E2F7: variants seen among roughly 807,000 people sequenced by gnomAD.
E2F7 encodes the protein transcription factor E2F7.
E2F7 carries 35 observed loss-of-function variants against 81.1 expected under a neutral mutation model. The observed-to-expected ratio is 0.43, with a 90% CI of 0.33 to 0.57. The LOEUF (loss-of-function observed/expected upper bound fraction) is 0.57, where lower values mean the gene tolerates loss of function less well. E2F7 is among the 20% of genes least tolerant of loss of function. E2F7 has a pLI of 0.04. For synonymous variants in E2F7, 416 were observed against 416.2 expected (o/e 1.00, Z 0.01); for missense variants, 961 against 1,093.7 (o/e 0.88, Z 1.71).
rs187144514 is a variant in E2F7, at chr12:77,056,096, G to A, written c.128C>T (p.Pro43Leu). 22 of 1,612,786 alleles carry A rather than the reference G, an allele frequency of 1.4e-5. No individual in the cohort carries two copies. In the Middle Eastern group the frequency reaches 5.0e-4, roughly 36 times the overall value. The change falls in exon 3 of 13, where the codon CCG becomes CTG. Residue 43 changes from proline to leucine, a missense_variant. Coordinates refer to ENST00000322886, the MANE Select transcript of E2F7 (RefSeq NM_203394.3). The stretch of plus-strand genomic sequence containing the variant: ...TGGTTCATTTTTTATTGGAGTCTTC[G>A]GGGCCATCCTTGATCGATCAACAAA... ...NIFVDRSRMA[P>L]KTPIKNEPID...
chr12:77,029,959 G>A lies in E2F7; in HGVS notation c.1756C>T (p.Leu586=). The part of the protein sequence containing the change: ...RSSEAPATVE[L]SSAPSAQKRL... ...TTCTGAGCTGAGGGTGCAGATGACA[G>A]CTCTACTGTGGCTGGGGCTTCTGAG... The change falls in exon 10 of 13, where the codon CTG becomes TTG. Residue 586 remains leucine (L), a synonymous_variant. Transcript: ENST00000322886. 1 of 1,614,252 alleles carries A rather than the reference G, an allele frequency of 6.2e-7. No individual in the cohort carries two copies. The highest frequency in any genetic ancestry group is 8.5e-7 in the Non-Finnish European group (1 of 1,180,056).
In E2F7 at chr12:77,043,042, C is replaced by T. The variant is rs201807722; in HGVS notation, c.1123+23G>A. 6.2e-6 allele frequency: 10 copies of T among 1,613,742 alleles called. No individual in the cohort carries two copies. The East Asian group carries it at 1.3e-4, about 22-fold the overall frequency. ...TGAGAATTCTAAATAAAACAGCCTG[C>T]TAGCAAAACCACGCCACCTTACCAC... is the stretch of plus-strand genomic sequence containing the variant. On this transcript the variant is annotated intron_variant, in intron 7 of 12. Transcript: ENST00000322886.
At chr12:77,043,266 C>T in intron 6 of E2F7, 67 bp from the exon 7 acceptor site, 2 of 1,600,334 alleles carry the variant, frequency 1.2e-6, no homozygotes, top group Admixed American at 3.4e-5. Context: ...GTTTATGTGA[C>T]AGGTAACTTT....
At chr12:77,044,151 G>T (rs1303110103) in intron 6 of E2F7, 1 of 337,674 alleles carries the variant, frequency 3.0e-6, no homozygotes, top group Non-Finnish European at 6.1e-6. Flanking sequence ...ATCCAAGATG[G>T]ACAGAAAAGG....
At chr12:77,049,131 T>C (rs1954965301) in intron 4 of E2F7, among the ~76,000 whole-genome samples, 3 of 152,304 alleles carry the variant, frequency 2.0e-5, no homozygotes, top group East Asian at 1.9e-4. Context: ...TGTTTTCATA[T>C]ATTAACACAT....
intron 4 of E2F7, 65 bp from the exon 5 acceptor site, chr12:77,046,393 A>T: frequency 6.5e-7 from 1 of 1,540,250 alleles, no homozygotes; most frequent in Non-Finnish European, 8.8e-7. Flanking sequence ...AAGTTCCTTG[A>T]GGGCCTGGAC....
chr12:77,033,181 A>G, intron 8 of E2F7, 59 bp from the exon 9 acceptor site: 2 of 1,394,880 alleles, frequency 1.4e-6, no homozygotes, highest in Admixed American at 1.8e-5. Context: ...TACCAACTAT[A>G]TACTGAGAAT....
chr12:77,034,627 C>T (rs1280897193), intron 7 of E2F7, among the ~76,000 whole-genome samples: 1 of 152,074 alleles, frequency 6.6e-6, no homozygotes, highest in African/African-American at 2.4e-5. Context: ...AAGGTTAGGC[C>T]CTGGAGACAC....
In E2F7 at chr12:77,029,930, G is replaced by A; in HGVS notation, c.1785C>T (p.Arg595=). The A allele has an allele frequency of 2.5e-6, 4 of 1,614,232 alleles. No individual in the cohort carries two copies. Among genetic ancestry groups the A allele is most frequent in the Non-Finnish European group, 3.4e-6 (4 of 1,180,044 alleles). The change falls in exon 10 of 13, where the codon CGC becomes CGT. Residue 595 remains arginine, a synonymous_variant. Coordinates refer to ENST00000322886, the MANE Select transcript of E2F7 (RefSeq NM_203394.3). ...ELSSAPSAQK[R]LCEERKPQEE... ...CCTGAGGTTTCCTCTCCTCACAGAG[G>A]CGCTTCTGAGCTGAGGGTGCAGATG...
In E2F7 at chr12:77,024,166, G is replaced by T; in HGVS notation, c.2585C>A (p.Pro862His). Residue 862 changes from proline (P) to histidine (H), a missense_variant, in exon 13 of 13, where the codon CCC (proline) becomes CAC (histidine). This residue lies in a region of E2F7 where 587 missense variants were observed against 620.3 expected (regional missense o/e 0.95). Transcript: ENST00000322886. ...KLHQSPVPVT[P>H]KSIQRTHRET... ...ACGATGTGTGCGTTGGATGCTCTTG[G>T]GGGTCACTGGAACTGGTGACTGAAA... The T allele has an allele frequency of 6.2e-7, 1 of 1,613,414 alleles. No homozygotes were observed. Among genetic ancestry groups the T allele is most frequent in the Non-Finnish European group, 8.5e-7 (1 of 1,179,858 alleles).
rs756802268 is a variant in E2F7, at chr12:77,050,640, A to G, written c.474T>C (p.Tyr158=). ...GLLCQKFLAR[Y]PSYPLSTEKT... ...TCTCAGTTGACAAGGGATAACTTGG[A>G]TAGCGAGCTAGAAACTTCTGGCACA... The change falls in exon 4 of 13, where the codon TAT becomes TAC. Residue 158 remains tyrosine, a synonymous_variant. Transcript: ENST00000322886. The G allele has an allele frequency of 2.5e-6, 4 of 1,614,104 alleles. No individual in the cohort carries two copies. In the South Asian group the frequency reaches 4.4e-5, roughly 18 times the overall value.
chr12:77,051,700 A>T (rs1565909071), intron 3 of E2F7, among the ~76,000 whole-genome samples: 1 of 152,218 alleles, frequency 6.6e-6, no homozygotes, highest in Non-Finnish European at 1.5e-5. Context: ...TATTCATGAA[A>T]ACACAACAGC....
In E2F7 at chr12:77,026,540, G is replaced by C; in HGVS notation, c.2141-558C>G. Among the ~76,000 whole-genome samples the C allele has an allele frequency of 2.0e-5, 3 of 152,156 alleles. No individual in the cohort carries two copies. In the South Asian group the frequency reaches 6.2e-4, roughly 32 times the overall value. On this transcript the variant is annotated intron_variant, in intron 11 of 12. Coordinates refer to ENST00000322886, the MANE Select transcript of E2F7 (RefSeq NM_203394.3). ...TGGTGTCAAACTCCTGGGCTCAAGT[G>C]ATCTTCCTACCTCAGCCTCCCAAAG...
chr12:77,051,669 G>A (rs1954990148), intron 3 of E2F7, among the ~76,000 whole-genome samples: 1 of 152,060 alleles, frequency 6.6e-6, no homozygotes, highest in South Asian at 2.1e-4. Flanking sequence ...AGGAATAACA[G>A]AGAACTTCTT....
intron 6 of E2F7, chr12:77,044,302 A>AG (rs2120695844): frequency 2.1e-6 from 1 of 471,696 alleles, no homozygotes; most frequent in East Asian, 6.4e-5. Context: ...TGGGGAAAAA[A>AG]GGGGAAAGAA....
At chr12:77,024,524 C>G (rs1660684899) in intron 12 of E2F7, among the ~76,000 whole-genome samples, 1 of 152,210 alleles carries the variant, frequency 6.6e-6, no homozygotes, top group African/African-American at 2.4e-5. Context: ...TTACTGACTT[C>G]ACAAGGTTGT....
chr12:77,037,431 A>C (rs957842076), intron 7 of E2F7, among the ~76,000 whole-genome samples: 7 of 152,206 alleles, frequency 4.6e-5, no homozygotes, highest in African/African-American at 1.7e-4. Flanking sequence ...TCTCTACCAA[A>C]AAAACAAACA....
rs765685399 is a variant in E2F7 at position 77,033,041 on chromosome 12, A to T, written c.1382+9T>A. 6.2e-7 allele frequency: 1 copy of T among 1,610,904 alleles called. No individual in the cohort carries two copies. ...AAGAATACACTCTGAGCTTTTATAG[A>T]CTACTTACTGTGAATTGTCTTCTAT... On this transcript the variant is annotated intron_variant, in intron 9 of 12. Transcript: ENST00000322886.
chr12:77,055,874 G>A lies in E2F7; in HGVS notation c.350C>T (p.Ala117Val). ...GTTTACCTGTAGAGAATCTGTAAATGCATCGTCCTTGTTTTCAATGGGTCG... is the reference window on the plus strand; with the variant it reads ...GTTTACCTGTAGAGAATCTGTAAATACATCGTCCTTGTTTTCAATGGGTCG... ...LFRPIENKDDAFTDSLQLDVV... is the reference protein window; with the variant it reads ...LFRPIENKDDVFTDSLQLDVV... Residue 117 changes from alanine to valine, a missense_variant, in exon 3 of 13, where the codon GCA becomes GTA. Around this residue, in one of 3 missense-constraint regions of E2F7, gnomAD observed 301 missense variants for 405.0 expected, o/e 0.74. Transcript: ENST00000322886. The A allele has an allele frequency of 6.2e-7, 1 of 1,612,142 alleles. No individual in the cohort carries two copies. Among genetic ancestry groups the A allele is most frequent in the Non-Finnish European group, 8.5e-7 (1 of 1,179,484 alleles).
Sources: allele counts gnomAD v4.1 joint callset (sites outside exome capture counted in the v4.1 genomes callset), GRCh38; gene constraint gnomAD v4.1.1; regional missense constraint gnomAD v4.1.1; transcripts MANE v1.5; gene names NCBI Gene and HGNC (gene_info 2026-07-23, HGNC 2026-07-21).